SPRR2B: variants seen among roughly 807,000 people sequenced by gnomAD.
The protein encoded by SPRR2B is small proline-rich protein 2B.
SPRR2B carries 1 observed loss-of-function variant against 1.0 expected under a neutral mutation model. The observed-to-expected ratio is 1.01, with a 90% CI of 0.36 to 4.77. The LOEUF (loss-of-function observed/expected upper bound fraction) is 4.77, where lower values mean the gene tolerates loss of function less well. Ranked by LOEUF, SPRR2B falls within the 30% of genes most tolerant of loss-of-function variation. The pLI is 0.16. For missense variants in SPRR2B, 53 were observed against 88.7 expected (o/e 0.60, Z 1.62); for synonymous variants, 27 against 33.4 (o/e 0.81, Z 0.66).
At chr1:153,080,753 A>C in the SPRR2B span, among the ~76,000 whole-genome samples, 1 of 152,218 alleles carries the variant, frequency 6.6e-6, no homozygotes, top group Non-Finnish European at 1.5e-5. Flanking sequence ...GATAAACATA[A>C]TTTTATGATA....
chr1:153,075,332 A>C (rs2101613198), upstream of SPRR2B, among the ~76,000 whole-genome samples: 1 of 152,092 alleles, frequency 6.6e-6, no homozygotes, highest in South Asian at 2.1e-4. Context: ...ACAGAACAAG[A>C]CTCTATCTCA....
At chr1:153,079,080 T>C in the SPRR2B span, among the ~76,000 whole-genome samples, 6 of 152,244 alleles carry the variant, frequency 3.9e-5, no homozygotes, top group African/African-American at 2.4e-5. Context: ...TGGTATCTCA[T>C]TGTGGTTTTG....
chr1:153,085,782 G>A, the SPRR2B span, among the ~76,000 whole-genome samples: 3 of 152,142 alleles, frequency 2.0e-5, no homozygotes, highest in Non-Finnish European at 4.4e-5. Flanking sequence ...CAGCTAGAGA[G>A]AAAGATCAGG....
upstream of SPRR2B, among the ~76,000 whole-genome samples, chr1:153,074,645 A>G (rs1654738423): frequency 6.6e-6 from 1 of 152,250 alleles, no homozygotes; most frequent in Non-Finnish European, 1.5e-5. Context: ...ACATTTATTA[A>G]AAGATAGGAA....
upstream of SPRR2B, among the ~76,000 whole-genome samples, chr1:153,072,405 G>A (rs955010838): frequency 5.9e-5 from 9 of 152,106 alleles, no homozygotes; most frequent in African/African-American, 2.2e-4. Flanking sequence ...TGGAGAGAAG[G>A]GAACCAAAGT....
At chr1:153,080,980 TC>T in the SPRR2B span, among the ~76,000 whole-genome samples, 1 of 152,188 alleles carries the variant, frequency 6.6e-6, no homozygotes, top group African/African-American at 2.4e-5. Flanking sequence ...CTGTCAAGAC[TC>T]ACAAAGACAT....
upstream of SPRR2B, among the ~76,000 whole-genome samples, chr1:153,075,477 T>G (rs545640360): frequency 6.6e-6 from 1 of 152,144 alleles, no homozygotes; most frequent in East Asian, 1.9e-4. Context: ...ATAGAAATCA[T>G]AACATTGGCC....
At chr1:153,080,563 C>A in the SPRR2B span, among the ~76,000 whole-genome samples, 1 of 152,032 alleles carries the variant, frequency 6.6e-6, no homozygotes, top group African/African-American at 2.4e-5. Flanking sequence ...AAACAACACA[C>A]TCTTAAAAAG....
At chr1:153,077,800 A>T in the SPRR2B span, among the ~76,000 whole-genome samples, 1 of 152,174 alleles carries the variant, frequency 6.6e-6, no homozygotes, top group African/African-American at 2.4e-5. Context: ...TTTTTAATAG[A>T]GGCAGGGTTT....
chr1:153,070,579 A>G lies in SPRR2B; in HGVS notation c.*42T>C. Reference sequence around the variant, plus strand: ...TGGAGCTGTGGAACGAGGTGAGCCAATTATCCTTATCCTCTCATGCTCCTG... The same window carrying G: ...TGGAGCTGTGGAACGAGGTGAGCCAGTTATCCTTATCCTCTCATGCTCCTG... On this transcript the variant is annotated 3_prime_UTR_variant, in exon 2 of 2. Transcript: ENST00000368755. The G allele has an allele frequency of 6.3e-7, 1 of 1,592,856 alleles. No homozygotes were observed. The highest frequency in any genetic ancestry group is 2.2e-5 in the East Asian group (1 of 44,730).
chr1:153,076,465 T>G (rs1025794911), upstream of SPRR2B, among the ~76,000 whole-genome samples: 6 of 152,154 alleles, frequency 3.9e-5, no homozygotes, highest in African/African-American at 1.4e-4. Context: ...TAGGCTGTGG[T>G]CTTCCTCCAA....
upstream of SPRR2B, among the ~76,000 whole-genome samples, chr1:153,071,937 T>C (rs1050590137): frequency 2.6e-5 from 4 of 152,206 alleles, no homozygotes; most frequent in African/African-American, 9.7e-5. Flanking sequence ...TTTAGCTGAA[T>C]GCCATATTGT....
At chr1:153,072,812 T>C (rs776372841), upstream of SPRR2B, among the ~76,000 whole-genome samples, 1 of 152,222 alleles carries the variant, frequency 6.6e-6, no homozygotes, top group Non-Finnish European at 1.5e-5. Flanking sequence ...ACGTATGTTG[T>C]CAATGTGAAT....
upstream of SPRR2B, among the ~76,000 whole-genome samples, chr1:153,073,707 AC>A (rs1654719100): frequency 1.3e-5 from 1 of 75,890 alleles, no homozygotes; most frequent in African/African-American, 2.9e-5. Flanking sequence ...ACACACACAC[AC>A]ACACACACAC....
chr1:153,072,823 G>A (rs549016376), upstream of SPRR2B, among the ~76,000 whole-genome samples: 1 of 152,252 alleles, frequency 6.6e-6, no homozygotes, highest in Admixed American at 6.5e-5. Flanking sequence ...CAATGTGAAT[G>A]TCTTTCACAT....
chr1:153,087,221 A>C, the SPRR2B span, among the ~76,000 whole-genome samples: 1 of 152,140 alleles, frequency 6.6e-6, no homozygotes, highest in Admixed American at 6.6e-5. Flanking sequence ...TGGAGGTTGC[A>C]GTGAGTCGAG....
At chr1:153,087,198 T>C in the SPRR2B span, among the ~76,000 whole-genome samples, 2 of 151,946 alleles carry the variant, frequency 1.3e-5, no homozygotes. Flanking sequence ...GAGAATTGCT[T>C]GAAACAGGGA....
chr1:153,082,795 C>T, the SPRR2B span, among the ~76,000 whole-genome samples: 2 of 151,628 alleles, frequency 1.3e-5, no homozygotes, highest in African/African-American at 4.8e-5. Context: ...TCATATTGCA[C>T]TTGGGAAACT....
At chr1:153,077,922 A>G in the SPRR2B span, among the ~76,000 whole-genome samples, 2 of 152,238 alleles carry the variant, frequency 1.3e-5, no homozygotes. Context: ...ATAATCCCCA[A>G]TGAAAACACA....
Sources: allele counts gnomAD v4.1 joint callset (sites outside exome capture counted in the v4.1 genomes callset), GRCh38; gene constraint gnomAD v4.1.1; transcripts MANE v1.5; gene names NCBI Gene and HGNC (gene_info 2026-07-23, HGNC 2026-07-21).